CAMTA1: variants seen among roughly 807,000 people sequenced by gnomAD.
The protein encoded by CAMTA1 is calmodulin binding transcription activator 1.
In CAMTA1, 27 loss-of-function variants were observed where a neutral mutation model predicts 170.9. The ratio of observed to expected loss-of-function variants is 0.16; its 90% confidence interval spans 0.12 to 0.22. The LOEUF (loss-of-function observed/expected upper bound fraction) is 0.22. Among genes scored for constraint, CAMTA1 ranks in the 10% least tolerant of loss-of-function variants. The pLI is 1.00. For missense variants in CAMTA1, 1,619 were observed against 2,217.2 expected (o/e 0.73, Z 5.42); for synonymous variants, 833 against 891.5 (o/e 0.93, Z 1.17).
rs57243596 is a variant in CAMTA1, at chr1:7,632,395, C to T, written c.511-8005C>T. ...TAATGTATACATTTTCACTATCACA[C>T]GGCCTCTCTCCTTCATTTTTCATGA... is the stretch of plus-strand genomic sequence containing the variant. On this transcript the variant is annotated intron_variant, in intron 6 of 22. Coordinates refer to ENST00000303635, the MANE Select transcript of CAMTA1 (RefSeq NM_015215.4). Among the ~76,000 whole-genome samples the T allele has an allele frequency of 8.8e-3, 1,346 of 152,248 alleles. 14 individuals carry two copies. The highest frequency in any genetic ancestry group is 0.03 in the African/African-American group (1,236 of 41,540).
chr1:7,131,022 C>T (rs1201861538), intron 4 of CAMTA1, among the ~76,000 whole-genome samples: 2 of 151,494 alleles, frequency 1.3e-5, no homozygotes, highest in African/African-American at 2.4e-5. Flanking sequence ...GGCACGATCT[C>T]GGCTCACTGC....
chr1:7,386,532 C>T (rs2088011040), intron 5 of CAMTA1, among the ~76,000 whole-genome samples: 1 of 152,194 alleles, frequency 6.6e-6, no homozygotes, highest in Non-Finnish European at 1.5e-5. Context: ...GGTGGATGTT[C>T]TTGGCCTTCT....
chr1:7,485,285 G>T (rs2093603274), intron 6 of CAMTA1, among the ~76,000 whole-genome samples: 1 of 152,104 alleles, frequency 6.6e-6, no homozygotes, highest in Non-Finnish European at 1.5e-5. Context: ...CGTCTCTCAG[G>T]GTGTGTCAGA....
chr1:7,340,994 C>A (rs1489370582), intron 5 of CAMTA1, among the ~76,000 whole-genome samples: 1 of 152,238 alleles, frequency 6.6e-6, no homozygotes, highest in Non-Finnish European at 1.5e-5. Context: ...GTAGCCTGGG[C>A]TGGCCAGGGT....
intron 3 of CAMTA1, among the ~76,000 whole-genome samples, chr1:7,022,255 T>C (rs937396399): frequency 2.6e-5 from 4 of 152,162 alleles, no homozygotes; most frequent in African/African-American, 9.7e-5. Context: ...CACTTATGCA[T>C]TCCCAGCAGG....
intron 4 of CAMTA1, among the ~76,000 whole-genome samples, chr1:7,168,763 C>T (rs1248812316): frequency 6.6e-6 from 1 of 152,192 alleles, no homozygotes; most frequent in Non-Finnish European, 1.5e-5. Context: ...ACTTGAAGTT[C>T]TAGGACAGAG....
At chr1:7,061,504 T>A (rs1319912795) in intron 3 of CAMTA1, among the ~76,000 whole-genome samples, 1 of 150,966 alleles carries the variant, frequency 6.6e-6, no homozygotes, top group Non-Finnish European at 1.5e-5. Context: ...TGGTGGAGGG[T>A]GTGTGGATGA....
intron 1 of CAMTA1, among the ~76,000 whole-genome samples, chr1:6,788,911 A>G (rs1640211300): frequency 6.6e-6 from 1 of 152,130 alleles, no homozygotes; most frequent in Admixed American, 6.5e-5. Flanking sequence ...GTAGTGCAGA[A>G]TGCTCTGTTG....
At chr1:7,022,621 G>A (rs548329732) in intron 3 of CAMTA1, among the ~76,000 whole-genome samples, 18 of 152,168 alleles carry the variant, frequency 1.2e-4, no homozygotes, top group African/African-American at 2.7e-4. Context: ...TGTTGCCAGC[G>A]CCTCACCTCC....
Position 7,677,766 on chromosome 1 carries a change from A to G in CAMTA1, c.2914+33A>G, listed in dbSNP as rs111651340. The stretch of plus-strand genomic sequence containing the variant: ...CAGTGCTTGGGTCGTCTTGCCAGGC[A>G]CCAAGGGAGAGGGATGCTTGGGGAC... On this transcript the variant is annotated intron_variant, in intron 11 of 22. Transcript: ENST00000303635. 2.2e-4 allele frequency: 356 copies of G among 1,601,420 alleles called. 2 individuals carry two copies. The African/African-American group carries it at 4.5e-3, about 20-fold the overall frequency.
chr1:7,345,148 A>G lies in CAMTA1; in HGVS notation c.438+95522A>G, dbSNP rs367615394. Among the ~76,000 whole-genome samples, 5 of 151,994 alleles carry G rather than the reference A, an allele frequency of 3.3e-5. No homozygotes were observed. In the East Asian group the frequency reaches 7.7e-4, roughly 23 times the overall value. ...TTGATAAGAATCCTTCATCCCTTTT[A>G]TATGTTGCAAATATCTTGTATTTTT... On this transcript the variant is annotated intron_variant, in intron 5 of 22. Transcript: ENST00000303635.
rs759712649 is a variant in CAMTA1, at chr1:7,036,124, C to T, written c.235-55180C>T. On this transcript the variant is annotated intron_variant, in intron 3 of 22. Transcript: ENST00000303635. ...GGGAGGAGAATGAGATGGGCAGGTACAGAGTAGCTGCAGTTATATCTGTAA... is the reference window on the plus strand; with the variant it reads ...GGGAGGAGAATGAGATGGGCAGGTATAGAGTAGCTGCAGTTATATCTGTAA... 5.3e-5 allele frequency among the ~76,000 whole-genome samples: 8 copies of T among 152,194 alleles called. No individual in the cohort carries two copies. The Middle Eastern group carries it at 0.02, about 388-fold the overall frequency.
chr1:7,105,903 G>A (rs1436412315), intron 4 of CAMTA1, among the ~76,000 whole-genome samples: 5 of 151,332 alleles, frequency 3.3e-5, no homozygotes, highest in South Asian at 2.1e-4. Context: ...ATCACGCACC[G>A]TACTCCAGCC....
chr1:7,452,089 A>G (rs1334222260), intron 5 of CAMTA1, among the ~76,000 whole-genome samples: 1 of 152,242 alleles, frequency 6.6e-6, no homozygotes, highest in Admixed American at 6.5e-5. Context: ...TCTAAACTGG[A>G]GGCCTCAAGG....
chr1:7,298,929 C>A (rs1258817013), intron 5 of CAMTA1, among the ~76,000 whole-genome samples: 1 of 152,174 alleles, frequency 6.6e-6, no homozygotes, highest in Non-Finnish European at 1.5e-5. Flanking sequence ...CCTTGCCGAC[C>A]AGACCCAAGG....
chr1:7,708,940 T>G (rs1414575607), intron 11 of CAMTA1, among the ~76,000 whole-genome samples: 1 of 152,122 alleles, frequency 6.6e-6, no homozygotes, highest in Non-Finnish European at 1.5e-5. Flanking sequence ...TTAATCATTC[T>G]CTCCATTTTT....
chr1:7,594,292 A>G (rs934218812), intron 6 of CAMTA1, among the ~76,000 whole-genome samples: 1 of 151,784 alleles, frequency 6.6e-6, no homozygotes, highest in African/African-American at 2.4e-5. Flanking sequence ...GCGGCACAGA[A>G]GCAGCCTTTT....
chr1:7,029,314 A>T (rs1333186831), intron 3 of CAMTA1, among the ~76,000 whole-genome samples: 2 of 151,878 alleles, frequency 1.3e-5, no homozygotes, highest in African/African-American at 4.8e-5. Flanking sequence ...ATCCTGGTTA[A>T]CACAGTGAAA....
At chr1:7,739,160 T>A (rs2096792111) in intron 16 of CAMTA1, among the ~76,000 whole-genome samples, 1 of 152,190 alleles carries the variant, frequency 6.6e-6, no homozygotes, top group South Asian at 2.1e-4. Flanking sequence ...AAAACATGTT[T>A]GAATTCCTCT....
Sources: gnomAD v4.1 joint callset for allele counts (sites outside exome capture counted in the v4.1 genomes callset) on GRCh38, gnomAD v4.1.1 for gene constraint, MANE v1.5 for transcripts, NCBI Gene and HGNC (gene_info 2026-07-23, HGNC 2026-07-21) for gene names.